The following WWC2 variants were observed in gnomAD, a reference collection of about 807,000 sequenced individuals.
WWC2 encodes the protein WW and C2 domain containing 2.
A neutral mutation model predicts 138.5 loss-of-function variants in WWC2; 101 were observed. The ratio of observed to expected loss-of-function variants is 0.73; its 90% confidence interval spans 0.62 to 0.86. The LOEUF (loss-of-function observed/expected upper bound fraction) is 0.86, where lower values mean the gene tolerates loss of function less well. Ranked by LOEUF, WWC2 falls within the 40% of genes least tolerant of loss-of-function variation. The pLI is 0.00. For missense variants in WWC2, 1,420 were observed against 1,419.4 expected, an observed-to-expected ratio of 1.00 and a Z score of -0.01; for synonymous variants, 558 against 538.4, an observed-to-expected ratio of 1.04 and a Z score of -0.50.
chr4:183,191,969 C>T (rs375248888), intron 1 of WWC2, among the ~76,000 whole-genome samples: 83 of 152,290 alleles, frequency 5.5e-4, no homozygotes, highest in African/African-American at 1.9e-3. Context: ...CAGCCATCCT[C>T]CTGCCTCAGC....
At chr4:183,118,890 G>A (rs1421820524) in intron 1 of WWC2, among the ~76,000 whole-genome samples, 3 of 152,046 alleles carry the variant, frequency 2.0e-5, no homozygotes, top group African/African-American at 7.2e-5. Context: ...TGCATAGAAG[G>A]GTCATGATTT....
intron 4 of WWC2, among the ~76,000 whole-genome samples, chr4:183,235,990 A>C (rs538107107): frequency 6.6e-6 from 1 of 152,360 alleles, no homozygotes; most frequent in East Asian, 1.9e-4. Context: ...TGGGTTCAAT[A>C]TCATCCTTGT....
At chr4:183,239,775 T>C (rs1736557800) in intron 4 of WWC2, among the ~76,000 whole-genome samples, 1 of 152,106 alleles carries the variant, frequency 6.6e-6, no homozygotes, top group Non-Finnish European at 1.5e-5. Context: ...TGGGGAGAGC[T>C]TTCCAGGCAG....
Position 183,099,348 on chromosome 4 carries a change from T to A in WWC2, c.-144T>A. The A allele has an allele frequency of 3.5e-6, 3 of 846,796 alleles. No homozygotes were observed. The highest frequency in any genetic ancestry group is 5.7e-5 in the South Asian group (1 of 17,494). 52.5% of individuals were successfully genotyped at this position (846,796 alleles called of 1,614,324 possible). A position where few individuals can be genotyped will look rare whatever the true frequency, so the allele number is the denominator to read the frequency against. ...TCCTGAGGCACCTCCCGCGCGTGGTTCCGCCGCGCCCCGCGCCCTGCGCCC... is the reference window on the plus strand; with the variant it reads ...TCCTGAGGCACCTCCCGCGCGTGGTACCGCCGCGCCCCGCGCCCTGCGCCC... On this transcript the variant is annotated 5_prime_UTR_variant, in exon 1 of 23. Transcript: ENST00000403733.
chr4:183,219,496 A>G (rs1269782245), intron 4 of WWC2, among the ~76,000 whole-genome samples: 1 of 152,220 alleles, frequency 6.6e-6, no homozygotes, highest in Non-Finnish European at 1.5e-5. Context: ...GAGATGATAC[A>G]TATTCAAATA....
At chr4:183,153,027 C>G (rs1329122332) in intron 1 of WWC2, among the ~76,000 whole-genome samples, 1 of 152,122 alleles carries the variant, frequency 6.6e-6, no homozygotes, top group Non-Finnish European at 1.5e-5. Context: ...TCCGCAGTAG[C>G]TGGGATTATA....
Position 183,319,978 on chromosome 4 carries a change from T to C in WWC2, c.*4249T>C. On this transcript the variant is annotated 3_prime_UTR_variant, in exon 23 of 23. Coordinates refer to ENST00000403733, the MANE Select transcript of WWC2 (RefSeq NM_024949.6). Reference sequence around the variant, plus strand: ...CCATTTGACAGAAACATTAAGATCCTGGAGACCCTGAGTTCAGCAGGCAAA... The same window carrying C: ...CCATTTGACAGAAACATTAAGATCCCGGAGACCCTGAGTTCAGCAGGCAAA... 6.2e-7 allele frequency: 1 copy of C among 1,613,670 alleles called. No homozygotes were observed. Among genetic ancestry groups the C allele is most frequent in the African/African-American group, 1.3e-5 (1 of 74,978 alleles).
At chr4:183,115,375 G>A (rs1172473920) in intron 1 of WWC2, among the ~76,000 whole-genome samples, 3 of 152,148 alleles carry the variant, frequency 2.0e-5, no homozygotes, top group African/African-American at 7.2e-5. Context: ...TTGTATTCCT[G>A]TGGGTATATA....
rs1032564666 is a variant in WWC2, at chr4:183,240,212, G to T, written c.552G>T (p.Gln184His). 60 of 1,552,030 alleles carry T rather than the reference G, an allele frequency of 3.9e-5. No individual in the cohort carries two copies. Among genetic ancestry groups the T allele is most frequent in the Non-Finnish European group, 5.1e-5 (59 of 1,147,726 alleles). The change falls in exon 5 of 23, where the codon CAG becomes CAT. Residue 184 changes from glutamine (Q) to histidine (H), a missense_variant. Physicochemically the swap from Gln to His is conservative, Grantham distance 24. Coordinates refer to ENST00000403733, the MANE Select transcript of WWC2 (RefSeq NM_024949.6). ...RVKKLKRELS[Q>H]MKQELLYKEQ... Reference sequence around the variant, plus strand: ...AAAAGCTAAAGAGAGAGCTCTCACAGATGAAGCAGGAACTGCTCTATAAAG... The same window carrying T: ...AAAAGCTAAAGAGAGAGCTCTCACATATGAAGCAGGAACTGCTCTATAAAG...
chr4:183,201,695 A>G (rs974324229), intron 2 of WWC2, among the ~76,000 whole-genome samples: 2 of 152,262 alleles, frequency 1.3e-5, no homozygotes, highest in African/African-American at 4.8e-5. Flanking sequence ...CTTGGGGCCA[A>G]CCAGAAATAC....
chr4:183,114,412 A>C (rs996088233), intron 1 of WWC2, among the ~76,000 whole-genome samples: 1 of 152,210 alleles, frequency 6.6e-6, no homozygotes. Context: ...ACAAGGTGTG[A>C]GACCCCTATG....
intron 1 of WWC2, among the ~76,000 whole-genome samples, chr4:183,125,380 A>G (rs1159071679): frequency 6.6e-6 from 1 of 152,204 alleles, no homozygotes; most frequent in East Asian, 1.9e-4. Context: ...TAGTTATTGT[A>G]ATACTTTAAG....
rs775545718 is a variant in WWC2 at position 183,268,962 on chromosome 4, T to G, written c.2208-9T>G. ...CCTATGAAATCCATTTTATTCTTGT[T>G]CTTTGCAGATATTTTAGGGTTGCCG... On this transcript the variant is annotated splice_polypyrimidine_tract_variant and intron_variant, in intron 14 of 22. Transcript: ENST00000403733. The G allele has an allele frequency of 1.4e-5, 22 of 1,607,044 alleles. No homozygotes were observed. The highest frequency in any genetic ancestry group is 1.8e-5 in the Non-Finnish European group (21 of 1,177,372).
At chr4:183,277,235 G>GT (rs1376301386) in intron 16 of WWC2, among the ~76,000 whole-genome samples, 1 of 149,892 alleles carries the variant, frequency 6.7e-6, no homozygotes, top group East Asian at 2.0e-4. Flanking sequence ...GCGGTGTTTG[G>GT]TTTTTTGTTC....
At chr4:183,236,374 G>C (rs1316673867) in intron 4 of WWC2, among the ~76,000 whole-genome samples, 1 of 152,162 alleles carries the variant, frequency 6.6e-6, no homozygotes, top group African/African-American at 2.4e-5. Flanking sequence ...GACTCCAGGG[G>C]TGCCTTGTGG....
chr4:183,297,893 C>G lies in WWC2; in HGVS notation c.3384+8258C>G, dbSNP rs1738690579. 3.3e-5 allele frequency among the ~76,000 whole-genome samples: 5 copies of G among 152,330 alleles called. 1 individual carries two copies. In the South Asian group the frequency reaches 1.0e-3, roughly 32 times the overall value. Reference sequence around the variant, plus strand: ...AGAGGAGAAATGAGGAAGAATTGTTCTACCCATGTGCACATATGGCTGCCA... The same window carrying G: ...AGAGGAGAAATGAGGAAGAATTGTTGTACCCATGTGCACATATGGCTGCCA... On this transcript the variant is annotated intron_variant, in intron 21 of 22. Coordinates refer to ENST00000403733, the MANE Select transcript of WWC2 (RefSeq NM_024949.6).
intron 1 of WWC2, among the ~76,000 whole-genome samples, chr4:183,178,724 A>G (rs1465201509): frequency 6.6e-6 from 1 of 152,186 alleles, no homozygotes; most frequent in East Asian, 1.9e-4. Context: ...GCTGCATGGA[A>G]GCTCGGACTC....
At chr4:183,267,257 G>A (rs1216237626) in intron 14 of WWC2, among the ~76,000 whole-genome samples, 1 of 152,142 alleles carries the variant, frequency 6.6e-6, no homozygotes, top group Non-Finnish European at 1.5e-5. Context: ...TCAAAGTGTG[G>A]ACTGTCCACA....
At chr4:183,267,172 A>T (rs1737532099) in intron 14 of WWC2, among the ~76,000 whole-genome samples, 1 of 151,920 alleles carries the variant, frequency 6.6e-6, no homozygotes, top group African/African-American at 2.4e-5. Context: ...AGTAGATTTT[A>T]ATGTGTTGAC....
Sources: allele counts gnomAD v4.1 joint callset (sites outside exome capture counted in the v4.1 genomes callset), GRCh38; gene constraint gnomAD v4.1.1; transcripts MANE v1.5; gene names NCBI Gene and HGNC (gene_info 2026-07-23, HGNC 2026-07-21).